Variants in FTCDNL1 observed in about 807,000 individuals in gnomAD.
FTCDNL1 encodes the protein formiminotransferase cyclodeaminase N-terminal like.
In FTCDNL1, 11 loss-of-function variants were observed where a neutral mutation model predicts 5.9. That is an observed-to-expected ratio of 1.87 (90% CI 1.18 to 3.10). The LOEUF is 3.10. FTCDNL1 is among the 30% of genes most tolerant of loss of function. The pLI is 0.00. For missense variants in FTCDNL1, 115 were observed against 65.5 expected, an observed-to-expected ratio of 1.76 and a Z score of -2.61; for synonymous variants, 58 against 24.8, an observed-to-expected ratio of 2.34 and a Z score of -3.99.
chr2:199,806,298 C>T (rs1355103304), downstream of FTCDNL1, among the ~76,000 whole-genome samples: 3 of 152,158 alleles, frequency 2.0e-5, no homozygotes, highest in East Asian at 1.9e-4. Flanking sequence ...TTCGGGAGCA[C>T]GGTCTGGATG....
intron 3 of FTCDNL1, among the ~76,000 whole-genome samples, chr2:199,839,135 A>T (rs2076512273): frequency 6.6e-6 from 1 of 152,118 alleles, no homozygotes; most frequent in African/African-American, 2.4e-5. Context: ...CCAACACGGC[A>T]TTATCAAACA....
At chr2:199,703,495 T>A in the FTCDNL1 span, among the ~76,000 whole-genome samples, 2 of 152,224 alleles carry the variant, frequency 1.3e-5, no homozygotes, top group African/African-American at 4.8e-5. Context: ...GTAAACTATA[T>A]TGATCAAATT....
chr2:199,718,600 T>C, the FTCDNL1 span, among the ~76,000 whole-genome samples: 1 of 152,166 alleles, frequency 6.6e-6, no homozygotes, highest in Admixed American at 6.6e-5. Flanking sequence ...GGTAGTTTTA[T>C]TTTTAGTTAT....
At chr2:199,675,595 G>A in the FTCDNL1 span, among the ~76,000 whole-genome samples, 10 of 152,160 alleles carry the variant, frequency 6.6e-5, no homozygotes, top group East Asian at 1.9e-4. Flanking sequence ...TCAGCAGTCC[G>A]GAGCTGGTAT....
At chr2:199,746,379 T>C in the FTCDNL1 span, among the ~76,000 whole-genome samples, 1 of 152,114 alleles carries the variant, frequency 6.6e-6, no homozygotes, top group African/African-American at 2.4e-5. Flanking sequence ...TAGCCTTCTG[T>C]CATGGAGTGA....
chr2:199,689,810 T>TAAAA, the FTCDNL1 span, among the ~76,000 whole-genome samples: 2 of 116,980 alleles, frequency 1.7e-5, no homozygotes, highest in Admixed American at 1.8e-4. Context: ...AAACTCCGTC[T>TAAAA]AAAAAAAAAA....
At chr2:199,686,245 ATACT>A in the FTCDNL1 span, among the ~76,000 whole-genome samples, 1 of 152,182 alleles carries the variant, frequency 6.6e-6, no homozygotes, top group Admixed American at 6.5e-5. Context: ...GATTAAAATG[ATACT>A]TACACCACTA....
chr2:199,707,076 C>T, the FTCDNL1 span, among the ~76,000 whole-genome samples: 5 of 152,320 alleles, frequency 3.3e-5, no homozygotes, highest in Admixed American at 6.5e-5. Context: ...GACGTTATCA[C>T]TTATATATAT....
chr2:199,759,688 G>A (rs1012945479), downstream of FTCDNL1, among the ~76,000 whole-genome samples: 4 of 152,160 alleles, frequency 2.6e-5, no homozygotes, highest in Non-Finnish European at 1.5e-5. Context: ...GTCATCATAG[G>A]ACAAATGACT....
chr2:199,674,591 C>G, the FTCDNL1 span, among the ~76,000 whole-genome samples: 2 of 152,200 alleles, frequency 1.3e-5, no homozygotes, highest in Non-Finnish European at 2.9e-5. Flanking sequence ...TGGCTCCATA[C>G]TCCCAACCAG....
the FTCDNL1 span, among the ~76,000 whole-genome samples, chr2:199,684,661 T>C: frequency 6.6e-6 from 1 of 152,260 alleles, no homozygotes; most frequent in Non-Finnish European, 1.5e-5. Flanking sequence ...ACACACAACA[T>C]TGCATAAGAA....
the FTCDNL1 span, among the ~76,000 whole-genome samples, chr2:199,691,333 C>T: frequency 8.8e-3 from 1,335 of 152,230 alleles, 6 homozygotes; most frequent in Middle Eastern, 0.048. Context: ...CCACCACACC[C>T]GGCTAATTTT....
chr2:199,777,834 C>T (rs1163944512), intron 3 of FTCDNL1, among the ~76,000 whole-genome samples: 2 of 151,884 alleles, frequency 1.3e-5, no homozygotes, highest in South Asian at 2.1e-4. Context: ...CCCTCCAGCG[C>T]CAAAGGAGGG....
the FTCDNL1 span, among the ~76,000 whole-genome samples, chr2:199,729,934 C>T: frequency 6.6e-6 from 1 of 152,150 alleles, no homozygotes; most frequent in East Asian, 1.9e-4. Context: ...AGACATCATG[C>T]TACCTGACCT....
chr2:199,712,973 T>C, the FTCDNL1 span, among the ~76,000 whole-genome samples: 1 of 152,204 alleles, frequency 6.6e-6, no homozygotes. Flanking sequence ...CAAAGTATCT[T>C]TTTTGGGGAC....
chr2:199,700,472 C>T, the FTCDNL1 span, among the ~76,000 whole-genome samples: 3 of 152,146 alleles, frequency 2.0e-5, no homozygotes, highest in African/African-American at 7.2e-5. Context: ...AATGGCCATA[C>T]TGCCAAAGCA....
chr2:199,802,038 T>G (rs1432467078), intron 3 of FTCDNL1, among the ~76,000 whole-genome samples: 1 of 151,960 alleles, frequency 6.6e-6, no homozygotes, highest in African/African-American at 2.4e-5. Context: ...ATTGCACAGG[T>G]TGCAAGCTCA....
At chr2:199,718,010 G>A in the FTCDNL1 span, among the ~76,000 whole-genome samples, 35 of 145,682 alleles carry the variant, frequency 2.4e-4, no homozygotes, top group South Asian at 1.1e-3. Flanking sequence ...CAAAAAAAAC[G>A]AAATCACTTA....
downstream of FTCDNL1, among the ~76,000 whole-genome samples, chr2:199,807,012 C>A (rs185702959): frequency 2.4e-4 from 37 of 152,302 alleles, no homozygotes; most frequent in East Asian, 7.1e-3. Context: ...ATTTAAAAAA[C>A]AAATACTGAT....
Sources: gnomAD v4.1 joint callset for allele counts (sites outside exome capture counted in the v4.1 genomes callset) on GRCh38, gnomAD v4.1.1 for gene constraint, MANE v1.5 for transcripts, NCBI Gene and HGNC (gene_info 2026-07-23, HGNC 2026-07-21) for gene names.